The following CCDC102B variants were observed in gnomAD, a reference collection of about 807,000 sequenced individuals.
The protein encoded by CCDC102B is coiled-coil domain containing 102B, also known as coiled-coil domain-containing protein 102B.
CCDC102B carries 75 observed loss-of-function variants against 57.4 expected under a neutral mutation model. The ratio of observed to expected loss-of-function variants is 1.31; its 90% confidence interval spans 1.08 to 1.58. CCDC102B has a LOEUF of 1.58. CCDC102B is among the 40% of genes most tolerant of loss of function. CCDC102B has a pLI of 0.00. For missense variants in CCDC102B, 636 were observed against 582.6 expected (o/e 1.09, Z -0.94); for synonymous variants, 206 against 201.9 (o/e 1.02, Z -0.17).
Position 68,947,280 on chromosome 18 carries a change from A to G in CCDC102B, c.1263+49852A>G, listed in dbSNP as rs148027794. 3.3e-5 allele frequency among the ~76,000 whole-genome samples: 5 copies of G among 152,104 alleles called. No homozygotes were observed. In the East Asian group the frequency reaches 7.8e-4, roughly 24 times the overall value. On this transcript the variant is annotated intron_variant, in intron 6 of 7. Transcript: ENST00000360242. ...TCATTTACATTTCTTGGTATACTTG[A>G]TTAAGTGACAGAGTAACTGAAGTAA...
At chr18:68,911,908 T>G (rs1296897453) in intron 6 of CCDC102B, among the ~76,000 whole-genome samples, 1 of 148,668 alleles carries the variant, frequency 6.7e-6, no homozygotes, top group Non-Finnish European at 1.5e-5. Context: ...AAAAAAAAAG[T>G]TAGCTCCAGG....
chr18:68,737,964 T>A (rs1035670675), intron 2 of CCDC102B, among the ~76,000 whole-genome samples: 3 of 152,170 alleles, frequency 2.0e-5, no homozygotes, highest in African/African-American at 7.2e-5. Context: ...AGTGAATGGC[T>A]ACTTCCCCCT....
intron 2 of CCDC102B, among the ~76,000 whole-genome samples, chr18:68,765,606 G>A (rs2034446131): frequency 6.6e-6 from 1 of 152,106 alleles, no homozygotes; most frequent in South Asian, 2.1e-4. Context: ...AGCCCCTTTT[G>A]GAATCATTCT....
Position 68,874,652 on chromosome 18 carries a change from T to C in CCDC102B, c.937-17T>C. On this transcript the variant is annotated splice_polypyrimidine_tract_variant and intron_variant, in intron 4 of 7. Transcript: ENST00000360242. ...TATATAGCATCCTGTGATTGTAATT[T>C]CAACTTTCTTTTTCAGTTTGACATT... is the stretch of plus-strand genomic sequence containing the variant. 1 of 1,511,188 alleles carries C rather than the reference T, an allele frequency of 6.6e-7. No homozygotes were observed. Among genetic ancestry groups the C allele is most frequent in the Non-Finnish European group, 9.2e-7 (1 of 1,087,810 alleles). 93.6% of individuals were successfully genotyped at this position (1,511,188 alleles called of 1,614,324 possible).
intron 7 of CCDC102B, among the ~76,000 whole-genome samples, chr18:69,027,352 ACTAT>A (rs2052020617): frequency 6.6e-6 from 1 of 152,162 alleles, no homozygotes; most frequent in South Asian, 2.1e-4. Context: ...AAGTCATAAA[ACTAT>A]CTAAAGCACA....
At chr18:68,921,683 C>G (rs575011000) in intron 6 of CCDC102B, among the ~76,000 whole-genome samples, 22 of 152,218 alleles carry the variant, frequency 1.4e-4, no homozygotes, top group African/African-American at 5.3e-4. Context: ...GCTCTAAGAG[C>G]AGAGAAAGGC....
At chr18:69,036,891 G>A (rs2052306754) in intron 7 of CCDC102B, among the ~76,000 whole-genome samples, 1 of 151,962 alleles carries the variant, frequency 6.6e-6, no homozygotes, top group Non-Finnish European at 1.5e-5. Flanking sequence ...TGGGAAGAAG[G>A]AATAGTCAGT....
At chr18:69,018,965 A>ATC (rs144376795) in intron 7 of CCDC102B, among the ~76,000 whole-genome samples, 5,163 of 152,118 alleles carry the variant, frequency 0.034, 128 homozygotes, top group East Asian at 0.11. Flanking sequence ...ATATCCAGCT[A>ATC]TCCCAACACT....
chr18:68,964,883 A>G (rs1195677612), intron 6 of CCDC102B, among the ~76,000 whole-genome samples: 2 of 151,722 alleles, frequency 1.3e-5, no homozygotes, highest in African/African-American at 4.8e-5. Context: ...TTTTTCCCTC[A>G]GTTCTCTTTT....
At chr18:68,798,973 A>G (rs72958049) in intron 1 of CCDC102B, among the ~76,000 whole-genome samples, 8 of 151,952 alleles carry the variant, frequency 5.3e-5, no homozygotes, top group African/African-American at 1.7e-4. Flanking sequence ...TGTCAGTAAC[A>G]TAGGACCAAA....
At chr18:69,019,922 AGG>A (rs2051780734) in intron 7 of CCDC102B, among the ~76,000 whole-genome samples, 3 of 152,132 alleles carry the variant, frequency 2.0e-5, no homozygotes, top group Non-Finnish European at 4.4e-5. Context: ...TATCATAAAC[AGG>A]TGTTGAACTT....
chr18:68,763,410 G>A (rs2144593048), intron 2 of CCDC102B, among the ~76,000 whole-genome samples: 1 of 152,208 alleles, frequency 6.6e-6, no homozygotes, highest in South Asian at 2.1e-4. Context: ...CCCTAGAGGA[G>A]AGGATAAAAG....
At chr18:68,718,976 G>A (rs778660323) in intron 2 of CCDC102B, among the ~76,000 whole-genome samples, 8 of 152,058 alleles carry the variant, frequency 5.3e-5, no homozygotes, top group African/African-American at 7.2e-5. Flanking sequence ...TACTAATTAC[G>A]TTAAAAATAC....
At chr18:68,833,553 G>T (rs2037236941) in intron 1 of CCDC102B, among the ~76,000 whole-genome samples, 1 of 151,998 alleles carries the variant, frequency 6.6e-6, no homozygotes, top group Non-Finnish European at 1.5e-5. Context: ...CCAATCTGCA[G>T]GCCTTTTCCC....
downstream of CCDC102B, among the ~76,000 whole-genome samples, chr18:69,056,636 A>AGATAGATGG (rs1555678890): frequency 4.1e-5 from 5 of 121,916 alleles, no homozygotes; most frequent in Non-Finnish European, 7.4e-5. Context: ...ATAGATAGAT[A>AGATAGATGG]ATAGATAGAT....
chr18:68,913,736 A>C (rs1318832365), intron 6 of CCDC102B, among the ~76,000 whole-genome samples: 1 of 152,178 alleles, frequency 6.6e-6, no homozygotes, highest in Non-Finnish European at 1.5e-5. Context: ...GTAATTTAAC[A>C]GGAAGTCAAT....
At chr18:68,853,766 A>T (rs1054560767) in intron 4 of CCDC102B, among the ~76,000 whole-genome samples, 2 of 149,494 alleles carry the variant, frequency 1.3e-5, no homozygotes, top group African/African-American at 2.5e-5. Context: ...CCAAGACTCC[A>T]TTAGGCGGCC....
chr18:68,853,229 A>T (rs1816238744), intron 4 of CCDC102B, among the ~76,000 whole-genome samples: 1 of 152,192 alleles, frequency 6.6e-6, no homozygotes, highest in South Asian at 2.1e-4. Context: ...TGTACTTGAT[A>T]ATGCACCATA....
intron 6 of CCDC102B, among the ~76,000 whole-genome samples, chr18:68,982,357 A>C (rs2050610959): frequency 6.6e-6 from 1 of 151,998 alleles, no homozygotes; most frequent in Non-Finnish European, 1.5e-5. Context: ...ACCAATAATC[A>C]TCCCCACTCT....
Sources: allele counts gnomAD v4.1 joint callset (sites outside exome capture counted in the v4.1 genomes callset), GRCh38; gene constraint gnomAD v4.1.1; transcripts MANE v1.5; gene names NCBI Gene and HGNC (gene_info 2026-07-23, HGNC 2026-07-21).